The following ASB18 variants were observed in gnomAD, a reference collection of about 807,000 sequenced individuals.
ASB18 encodes ankyrin repeat and SOCS box protein 18.
A neutral mutation model predicts 33.4 loss-of-function variants in ASB18; 33 were observed. That is an observed-to-expected ratio of 0.99 (90% CI 0.75 to 1.32). The LOEUF (loss-of-function observed/expected upper bound fraction) is 1.32, where lower values mean the gene tolerates loss of function less well. Ranked by LOEUF, ASB18 falls within the 40% of genes most tolerant of loss-of-function variation. The pLI, the probability that ASB18 is intolerant of heterozygous loss-of-function variation, is 0.00. For missense variants in ASB18, 694 were observed against 655.5 expected (o/e 1.06, Z -0.64); for synonymous variants, 295 against 307.6 (o/e 0.96, Z 0.43).
chr2:236,207,237 C>A (rs546372644), intron 4 of ASB18, among the ~76,000 whole-genome samples: 1 of 152,270 alleles, frequency 6.6e-6, no homozygotes, highest in African/African-American at 2.4e-5. Context: ...GGATTTGATT[C>A]TTTCTTTATG....
rs1437765598 is a variant in ASB18, at chr2:236,213,367, T to C, written c.1101+995A>G. ...GAGAGAAATGAGTGAATCTCACTTC[T>C]CGATGGTTCAGACCACTGAGAACAC... On this transcript the variant is annotated intron_variant, in intron 4 of 5. Coordinates refer to ENST00000409749, the MANE Select transcript of ASB18 (RefSeq NM_212556.4). The surrounding 1 kb of genome is among the most constrained non-coding windows in gnomAD (Gnocchi z 4.8). Among the ~76,000 whole-genome samples, 2 of 152,210 alleles carry C rather than the reference T, an allele frequency of 1.3e-5. No individual in the cohort carries two copies. The highest frequency in any genetic ancestry group is 3.9e-4 in the East Asian group (2 of 5,190).
In ASB18 at chr2:236,243,891, A is replaced by G. The variant is rs528884810; in HGVS notation, c.206-2489T>C. ...ACCCAGGCTGGAGTACGGTGATGTG[A>G]TCTCTGCTCACTGCAACCTCTGCCT... On this transcript the variant is annotated intron_variant, in intron 1 of 5. Transcript: ENST00000409749. 2.6e-4 allele frequency among the ~76,000 whole-genome samples: 40 copies of G among 151,982 alleles called. No individual in the cohort carries two copies. In the South Asian group the frequency reaches 8.1e-3, roughly 31 times the overall value.
chr2:236,199,617 A>T (rs2060390218), intron 4 of ASB18, among the ~76,000 whole-genome samples: 1 of 151,608 alleles, frequency 6.6e-6, no homozygotes, highest in Non-Finnish European at 1.5e-5. Flanking sequence ...TCTATTAATA[A>T]GCACACTTTT....
In ASB18 at chr2:236,239,103, A is replaced by G. The variant is rs1033246696; in HGVS notation, c.329-1147T>C. ...TGCATGGGTTTGAGCTGCCCTTCCC[A>G]GTGAAGACCAGGTCGGATCTGGAGG... On this transcript the variant is annotated intron_variant, in intron 2 of 5. Transcript: ENST00000409749. This position sits in a 1 kb window ranked among gnomAD's most constrained non-coding sequence, Gnocchi z 5.6. 6.6e-6 allele frequency among the ~76,000 whole-genome samples: 1 copy of G among 152,184 alleles called. No homozygotes were observed. Among genetic ancestry groups the G allele is most frequent in the African/African-American group, 2.4e-5 (1 of 41,446 alleles).
rs1034233361 is a variant in ASB18 at position 236,237,490 on chromosome 2, G to A, written c.596+199C>T. Among the ~76,000 whole-genome samples, 2 of 150,484 alleles carry A rather than the reference G, an allele frequency of 1.3e-5. No individual in the cohort carries two copies. Among genetic ancestry groups the A allele is most frequent in the African/African-American group, 4.8e-5 (2 of 41,276 alleles). Reference sequence around the variant, plus strand: ...CCCGGGTCAGGGATCTTGGATCTGGGTCCCGAGGCAGGGGCCGGGGTAGGG... The same window carrying A: ...CCCGGGTCAGGGATCTTGGATCTGGATCCCGAGGCAGGGGCCGGGGTAGGG... On this transcript the variant is annotated intron_variant, in intron 3 of 5. Transcript: ENST00000409749. This position sits in a 1 kb window ranked among gnomAD's most constrained non-coding sequence, Gnocchi z 6.2.
rs939977004 is a variant in ASB18, at chr2:236,248,183, G to C, written c.206-6781C>G. 2 of 152,164 alleles carry C rather than the reference G, an allele frequency of 1.3e-5. No individual in the cohort carries two copies. The highest frequency in any genetic ancestry group is 3.9e-4 in the East Asian group (2 of 5,192). The allele number at this position is 152,164 out of a possible 1,614,324, so 9.4% of individuals were successfully genotyped here. A position where few individuals can be genotyped will look rare whatever the true frequency, so the allele number is the denominator to read the frequency against. Reference sequence around the variant, plus strand: ...ATGCCCCAACAGCAGTGGTTCAAACGTTGGCTACAAAAATGAATCACCTGA... The same window carrying C: ...ATGCCCCAACAGCAGTGGTTCAAACCTTGGCTACAAAAATGAATCACCTGA... On this transcript the variant is annotated intron_variant, in intron 1 of 5. Transcript: ENST00000409749. The surrounding 1 kb of genome is among the most constrained non-coding windows in gnomAD (Gnocchi z 4.9).
rs573681068 is a variant in ASB18 at position 236,245,077 on chromosome 2, T to C, written c.206-3675A>G. 3.3e-5 allele frequency among the ~76,000 whole-genome samples: 5 copies of C among 152,026 alleles called. No homozygotes were observed. Among genetic ancestry groups the C allele is most frequent in the African/African-American group, 9.6e-5 (4 of 41,470 alleles). On this transcript the variant is annotated intron_variant, in intron 1 of 5. Coordinates refer to ENST00000409749, the MANE Select transcript of ASB18 (RefSeq NM_212556.4). This position sits in a 1 kb window ranked among gnomAD's most constrained non-coding sequence, Gnocchi z 4.7. Reference sequence around the variant, plus strand: ...GCTGAGGGGCTCACATGGGTGAGAGTCAACCTCAGCTGGGTGTGGGGGGAG... The same window carrying C: ...GCTGAGGGGCTCACATGGGTGAGAGCCAACCTCAGCTGGGTGTGGGGGGAG...
At position 236,231,118 on chromosome 2, in the gene ASB18, G is replaced by A. The variant is rs2106275863; in HGVS notation, c.596+6571C>T. ...TGAGCGTGGGCAGAACCTTTGATTT[G>A]CCGCTAACCAATGGACTATTGCAAA... On this transcript the variant is annotated intron_variant, in intron 3 of 5. Transcript: ENST00000409749. The surrounding 1 kb of genome is among the most constrained non-coding windows in gnomAD (Gnocchi z 5.5). Among the ~76,000 whole-genome samples, 1 of 152,224 alleles carries A rather than the reference G, an allele frequency of 6.6e-6. No individual in the cohort carries two copies. The highest frequency in any genetic ancestry group is 2.1e-4 in the South Asian group (1 of 4,816).
intron 3 of ASB18, among the ~76,000 whole-genome samples, chr2:236,224,645 G>A (rs558880425): frequency 7.9e-5 from 12 of 152,300 alleles, no homozygotes; most frequent in South Asian, 6.2e-4. Flanking sequence ...ACTGGTTTCC[G>A]TTCTGTGCAA....
rs868297730 is a variant in ASB18 at position 236,229,429 on chromosome 2, A to C, written c.596+8260T>G. On this transcript the variant is annotated intron_variant, in intron 3 of 5. Coordinates refer to ENST00000409749, the MANE Select transcript of ASB18 (RefSeq NM_212556.4). The surrounding 1 kb of genome is among the most constrained non-coding windows in gnomAD (Gnocchi z 5.2). ...TGTATAATTGGAGTCCCTGAAGGAG[A>C]GTACTGGTTGTATAGAAAAAAAATG... 6.6e-6 allele frequency among the ~76,000 whole-genome samples: 1 copy of C among 152,286 alleles called. No homozygotes were observed. Among genetic ancestry groups the C allele is most frequent in the South Asian group, 2.1e-4 (1 of 4,822 alleles).
At position 236,225,019 on chromosome 2, in the gene ASB18, C is replaced by G. The variant is rs1408218782; in HGVS notation, c.597-10153G>C. Among the ~76,000 whole-genome samples, 1 of 152,218 alleles carries G rather than the reference C, an allele frequency of 6.6e-6. No individual in the cohort carries two copies. Among genetic ancestry groups the G allele is most frequent in the Non-Finnish European group, 1.5e-5 (1 of 68,040 alleles). ...ATGCCTGTGAGCCTGGCATCTCAGGCAGGTGAACTTCCTGTTCTTAGGTGG... is the reference window on the plus strand; with the variant it reads ...ATGCCTGTGAGCCTGGCATCTCAGGGAGGTGAACTTCCTGTTCTTAGGTGG... On this transcript the variant is annotated intron_variant, in intron 3 of 5. Transcript: ENST00000409749. This position sits in a 1 kb window ranked among gnomAD's most constrained non-coding sequence, Gnocchi z 5.1.
chr2:236,210,833 C>T lies in ASB18; in HGVS notation c.1101+3529G>A, dbSNP rs112935512. Among the ~76,000 whole-genome samples the T allele has an allele frequency of 5.4e-3, 820 of 152,300 alleles. 4 individuals carry two copies. The highest frequency in any genetic ancestry group is 0.019 in the African/African-American group (777 of 41,566). On this transcript the variant is annotated intron_variant, in intron 4 of 5. Coordinates refer to ENST00000409749, the MANE Select transcript of ASB18 (RefSeq NM_212556.4). ...AGGCAGTGGAGGGCAGGGGTTTGAG[C>T]CCTGGCTGCGTGCTGCTACTGTCAG...
rs547949247 is a variant in ASB18, at chr2:236,228,308, G to A, written c.596+9381C>T. ...TCCCAAAGGGCCTCTGGGCTCTCAG[G>A]CTGAGGGTTCTATGAAGGGGACCCC... On this transcript the variant is annotated intron_variant, in intron 3 of 5. Transcript: ENST00000409749. The surrounding 1 kb of genome is among the most constrained non-coding windows in gnomAD (Gnocchi z 5.1). 1.3e-5 allele frequency among the ~76,000 whole-genome samples: 2 copies of A among 151,400 alleles called. No homozygotes were observed. Among genetic ancestry groups the A allele is most frequent in the African/African-American group, 2.4e-5 (1 of 40,868 alleles).
chr2:236,262,337 G>A lies in ASB18; in HGVS notation c.205+1804C>T, dbSNP rs972814126. Among the ~76,000 whole-genome samples the A allele has an allele frequency of 6.6e-6, 1 of 152,184 alleles. No individual in the cohort carries two copies. Among genetic ancestry groups the A allele is most frequent in the Non-Finnish European group, 1.5e-5 (1 of 68,030 alleles). ...GCAGGCCGGGTTACAGGGGCTACAG[G>A]AGACCACTTACAGGTGGCAGCAGCC... On this transcript the variant is annotated intron_variant, in intron 1 of 5. Transcript: ENST00000409749. The surrounding 1 kb of genome is among the most constrained non-coding windows in gnomAD (Gnocchi z 5.2).
chr2:236,225,712 G>A lies in ASB18; in HGVS notation c.597-10846C>T, dbSNP rs1324608603. On this transcript the variant is annotated intron_variant, in intron 3 of 5. Transcript: ENST00000409749. The surrounding 1 kb of genome is among the most constrained non-coding windows in gnomAD (Gnocchi z 5.1). Reference sequence around the variant, plus strand: ...TCTTTTTGGGAAAATCTCTTCAAAAGGCTCCTAGATTAAAGCTCTGATATC... The same window carrying A: ...TCTTTTTGGGAAAATCTCTTCAAAAAGCTCCTAGATTAAAGCTCTGATATC... 6.6e-6 allele frequency among the ~76,000 whole-genome samples: 1 copy of A among 152,046 alleles called. No individual in the cohort carries two copies. Among genetic ancestry groups the A allele is most frequent in the Non-Finnish European group, 1.5e-5 (1 of 68,012 alleles).
At chr2:236,210,484 T>C (rs1299861252) in intron 4 of ASB18, 1 of 152,196 alleles carries the variant, frequency 6.6e-6, no homozygotes, top group African/African-American at 2.4e-5. Flanking sequence ...CGGAATGCAA[T>C]CCATAAGTCT....
rs2060361789 is a variant in ASB18, at chr2:236,194,502, C to T, written c.*370G>A. Reference sequence around the variant, plus strand: ...TTTATATCAATTAACCTTGGGAAAACTGGCATTGTTATACCTCATTTAGCT... The same window carrying T: ...TTTATATCAATTAACCTTGGGAAAATTGGCATTGTTATACCTCATTTAGCT... On this transcript the variant is annotated 3_prime_UTR_variant, in exon 6 of 6. Coordinates refer to ENST00000409749, the MANE Select transcript of ASB18 (RefSeq NM_212556.4). This position sits in a 1 kb window ranked among gnomAD's most constrained non-coding sequence, Gnocchi z 4.5. Among the ~76,000 whole-genome samples, 1 of 152,150 alleles carries T rather than the reference C, an allele frequency of 6.6e-6. No homozygotes were observed. Among genetic ancestry groups the T allele is most frequent in the African/African-American group, 2.4e-5 (1 of 41,430 alleles).
intron 1 of ASB18, chr2:236,247,869 C>G (rs2060651769): frequency 6.6e-6 from 1 of 152,162 alleles, no homozygotes; most frequent in African/African-American, 2.4e-5. Context: ...GACTCGTGAT[C>G]TTGACATTAG....
Position 236,241,517 on chromosome 2 carries a change from C to T in ASB18, c.206-115G>A. ...CCTCTCACTGGCCCTGGCTGTCTCT[C>T]CATTGAGATGCCGTCGATTTCAGAA... On this transcript the variant is annotated intron_variant, in intron 1 of 5. Transcript: ENST00000409749. This position sits in a 1 kb window ranked among gnomAD's most constrained non-coding sequence, Gnocchi z 4.2. The T allele has an allele frequency of 8.0e-7, 1 of 1,248,424 alleles. No individual in the cohort carries two copies. The highest frequency in any genetic ancestry group is 1.1e-6 in the Non-Finnish European group (1 of 869,794). The allele number at this position is 1,248,424 out of a possible 1,614,324, so 77.3% of individuals were successfully genotyped here. A position where few individuals can be genotyped will look rare whatever the true frequency, so the allele number is the denominator to read the frequency against.
Sources: gnomAD v4.1 joint callset for allele counts (sites outside exome capture counted in the v4.1 genomes callset) on GRCh38, gnomAD v4.1.1 for gene constraint, Gnocchi (gnomAD v3.1) non-coding constraint, MANE v1.5 for transcripts, NCBI Gene and HGNC (gene_info 2026-07-23, HGNC 2026-07-21) for gene names.